FARS2: variants seen among roughly 807,000 people sequenced by gnomAD.
FARS2 encodes the protein phenylalanine--tRNA ligase, mitochondrial.
A neutral mutation model predicts 46.4 loss-of-function variants in FARS2; 40 were observed. The observed-to-expected ratio is 0.86, with a 90% confidence interval of 0.67 to 1.12. The LOEUF (loss-of-function observed/expected upper bound fraction) is 1.12, where lower values mean the gene tolerates loss of function less well. FARS2 is among the 50% of genes most tolerant of loss of function. The pLI is 0.00. For synonymous variants in FARS2, 234 were observed against 214.9 expected, an observed-to-expected ratio of 1.09 and a Z score of -0.78; for missense variants, 513 against 567.9, an observed-to-expected ratio of 0.90 and a Z score of 0.98.
intron 5 of FARS2, among the ~76,000 whole-genome samples, chr6:5,556,219 A>G (rs924448971): frequency 6.6e-6 from 1 of 152,090 alleles, no homozygotes; most frequent in African/African-American, 2.4e-5. Context: ...TTCCTTTTGC[A>G]TAGAACTGGC....
At position 5,508,019 on chromosome 6, in the gene FARS2, G is replaced by T. The variant is rs1003070394; in HGVS notation, c.905-37161G>T. 2.0e-5 allele frequency among the ~76,000 whole-genome samples: 3 copies of T among 152,214 alleles called. 1 individual carries two copies. The highest frequency in any genetic ancestry group is 4.4e-5 in the Non-Finnish European group (3 of 68,036). On this transcript the variant is annotated intron_variant, in intron 4 of 6. Coordinates refer to ENST00000274680, the MANE Select transcript of FARS2 (RefSeq NM_006567.5). ...TAGGCAAATAGAGAAAGGGAACAAG[G>T]CATGAAGTTTTATTAAAGCAAGGTA...
At chr6:5,324,969 CAA>C (rs927559915) in intron 1 of FARS2, among the ~76,000 whole-genome samples, 1 of 152,148 alleles carries the variant, frequency 6.6e-6, no homozygotes, top group Non-Finnish European at 1.5e-5. Flanking sequence ...CAAGCTCTGG[CAA>C]ACACATCTGG....
intron 5 of FARS2, among the ~76,000 whole-genome samples, chr6:5,592,437 C>T (rs556083098): frequency 6.6e-5 from 10 of 151,662 alleles, no homozygotes; most frequent in African/African-American, 2.4e-4. Flanking sequence ...AAAAAACAAA[C>T]CTGCCATATT....
chr6:5,565,213 A>G (rs139693313), intron 5 of FARS2, among the ~76,000 whole-genome samples: 17 of 152,326 alleles, frequency 1.1e-4, no homozygotes, highest in African/African-American at 4.1e-4. Context: ...GTTTAAAATA[A>G]CTTTCCTTGA....
At chr6:5,276,009 G>T (rs980017945) in intron 1 of FARS2, among the ~76,000 whole-genome samples, 3 of 152,134 alleles carry the variant, frequency 2.0e-5, no homozygotes, top group Non-Finnish European at 4.4e-5. Flanking sequence ...GCATGGAAAT[G>T]ACTATCATTT....
At chr6:5,728,197 G>T (rs1288637608) in intron 6 of FARS2, among the ~76,000 whole-genome samples, 1 of 152,166 alleles carries the variant, frequency 6.6e-6, no homozygotes, top group Non-Finnish European at 1.5e-5. Flanking sequence ...AAACTTAAAT[G>T]GAGGAATTAG....
rs530908694 is a variant in FARS2, at chr6:5,543,640, C to T, written c.905-1540C>T. Among the ~76,000 whole-genome samples, 14 of 152,222 alleles carry T rather than the reference C, an allele frequency of 9.2e-5. No homozygotes were observed. In the East Asian group the frequency reaches 1.9e-3, roughly 21 times the overall value. On this transcript the variant is annotated intron_variant, in intron 4 of 6. Transcript: ENST00000274680. ...CCTGCCAAAGTGCTGGGATTACAGG[C>T]GTGAGCCACCGCTCCTGGCCAAGTT...
chr6:5,626,581 C>G (rs1776043427), intron 6 of FARS2, among the ~76,000 whole-genome samples: 1 of 152,128 alleles, frequency 6.6e-6, no homozygotes, highest in South Asian at 2.1e-4. Flanking sequence ...CTTGCAAAGC[C>G]CCTCTCCCAC....
intron 4 of FARS2, among the ~76,000 whole-genome samples, chr6:5,484,445 G>A (rs1196106521): frequency 6.6e-6 from 1 of 152,208 alleles, no homozygotes; most frequent in East Asian, 1.9e-4. Context: ...TGTCCAGTAT[G>A]GTAGCCACTA....
chr6:5,279,433 A>G (rs927887407), intron 1 of FARS2, among the ~76,000 whole-genome samples: 5 of 150,924 alleles, frequency 3.3e-5, no homozygotes, highest in Non-Finnish European at 7.4e-5. Context: ...TTGAAAATGC[A>G]GTGAGAAGAT....
chr6:5,689,702 A>C (rs1757538510), intron 6 of FARS2, among the ~76,000 whole-genome samples: 1 of 152,090 alleles, frequency 6.6e-6, no homozygotes, highest in Non-Finnish European at 1.5e-5. Context: ...AGTTCTGTAG[A>C]TGTCTATTAG....
intron 4 of FARS2, among the ~76,000 whole-genome samples, chr6:5,480,403 C>T (rs1766382973): frequency 6.6e-6 from 1 of 152,186 alleles, no homozygotes; most frequent in East Asian, 1.9e-4. Flanking sequence ...AGTACATATA[C>T]AGCTCAAAAA....
rs199945952 is a variant in FARS2 at position 5,640,922 on chromosome 6, G to T, written c.1217+27602G>T. 2.6e-5 allele frequency among the ~76,000 whole-genome samples: 4 copies of T among 152,312 alleles called. No homozygotes were observed. The East Asian group carries it at 7.7e-4, about 29-fold the overall frequency. On this transcript the variant is annotated intron_variant, in intron 6 of 6. Transcript: ENST00000274680. Reference sequence around the variant, plus strand: ...TACTTGTGTCTGAGTCTTCTAAGAAGCTCTTATCTTGGCCCTAATCAACTC... The same window carrying T: ...TACTTGTGTCTGAGTCTTCTAAGAATCTCTTATCTTGGCCCTAATCAACTC...
upstream of FARS2, chr6:5,260,855 C>G: frequency 6.7e-7 from 1 of 1,491,614 alleles, no homozygotes; most frequent in Non-Finnish European, 8.9e-7. Context: ...TCGGCTTTGC[C>G]AGCGGGCCGG....
At chr6:5,728,859 G>A (rs1262671806) in intron 6 of FARS2, among the ~76,000 whole-genome samples, 3 of 152,288 alleles carry the variant, frequency 2.0e-5, no homozygotes, top group East Asian at 1.9e-4. Flanking sequence ...GCAACCCTAC[G>A]TTGCAGGGAC....
At chr6:5,281,263 A>T (rs1040811116) in intron 1 of FARS2, among the ~76,000 whole-genome samples, 1 of 152,248 alleles carries the variant, frequency 6.6e-6, no homozygotes, top group African/African-American at 2.4e-5. Context: ...AGACTTAAAA[A>T]GATTTAATAG....
intron 6 of FARS2, among the ~76,000 whole-genome samples, chr6:5,746,923 A>T (rs1005003191): frequency 6.6e-6 from 1 of 152,212 alleles, no homozygotes; most frequent in Admixed American, 6.5e-5. Flanking sequence ...GGACCTTTAG[A>T]TTATGATGGG....
chr6:5,640,959 A>AT (rs1336688638), intron 6 of FARS2, among the ~76,000 whole-genome samples: 1 of 152,044 alleles, frequency 6.6e-6, no homozygotes, highest in African/African-American at 2.4e-5. Context: ...CCTCTTATTG[A>AT]TTTTGCCTCA....
chr6:5,539,961 A>T (rs552844898), intron 4 of FARS2, among the ~76,000 whole-genome samples: 105 of 152,258 alleles, frequency 6.9e-4, no homozygotes, highest in African/African-American at 2.5e-3. Flanking sequence ...AGTCTGGAAA[A>T]GCAAGTCCTC....
Sources: gnomAD v4.1 joint callset for allele counts (sites outside exome capture counted in the v4.1 genomes callset) on GRCh38, gnomAD v4.1.1 for gene constraint, MANE v1.5 for transcripts, NCBI Gene and HGNC (gene_info 2026-07-23, HGNC 2026-07-21) for gene names.